TET2: variants seen among roughly 807,000 people sequenced by gnomAD.
The protein encoded by TET2 is methylcytosine dioxygenase TET2.
Under a neutral mutation model 142.9 loss-of-function variants are expected in TET2, and 299 were observed. The ratio of observed to expected loss-of-function variants is 2.09; its 90% CI spans 1.90 to 2.30. TET2 has a LOEUF of 2.30. TET2 is among the 30% of genes most tolerant of loss of function. TET2 has a pLI of 0.00. For synonymous variants in TET2, 819 were observed against 849.0 expected (o/e 0.96, Z 0.61); for missense variants, 2,418 against 2,378.0 (o/e 1.02, Z -0.35).
rs184605737 is a variant in TET2 at position 105,166,786 on chromosome 4, T to C, written c.-193+19807T>C. On this transcript the variant is annotated intron_variant, in intron 1 of 10. Coordinates refer to ENST00000380013, the MANE Select transcript of TET2 (RefSeq NM_001127208.3). Reference sequence around the variant, plus strand: ...AACATTGGTACGTTGTTACCCTTCATCTAGGATTGCTTATGAGATAGATAT... The same window carrying C: ...AACATTGGTACGTTGTTACCCTTCACCTAGGATTGCTTATGAGATAGATAT... Among the ~76,000 whole-genome samples, 185 of 152,230 alleles carry C rather than the reference T, an allele frequency of 1.2e-3. 1 individual carries two copies. Among genetic ancestry groups the C allele is most frequent in the Non-Finnish European group, 2.1e-3 (146 of 67,938 alleles).
intron 1 of TET2, 145 bp from the exon 2 acceptor site, chr4:105,190,211 GAGAA>G (rs1181166240): frequency 2.2e-6 from 1 of 452,524 alleles, no homozygotes; most frequent in Non-Finnish European, 3.9e-6. Flanking sequence ...TCATTGCTTT[GAGAA>G]AGATTCTCTA....
At chr4:105,272,433 A>G in intron 9 of TET2, 131 bp from the exon 10 acceptor site, 1 of 622,178 alleles carries the variant, frequency 1.6e-6, no homozygotes, top group East Asian at 2.8e-5. Flanking sequence ...ATGGTAATAT[A>G]TATGTCACTG....
intron 2 of TET2, among the ~76,000 whole-genome samples, chr4:105,222,661 G>T (rs1461102834): frequency 2.6e-5 from 4 of 152,068 alleles, no homozygotes; most frequent in Non-Finnish European, 5.9e-5. Flanking sequence ...GCCATTTTGT[G>T]GGTTGCCTGT....
chr4:105,196,400 C>CCTA (rs1726096866), intron 2 of TET2, among the ~76,000 whole-genome samples: 1 of 152,040 alleles, frequency 6.6e-6, no homozygotes, highest in African/African-American at 2.4e-5. Context: ...CTTGGGGACA[C>CCTA]CTACTTATCC....
At chr4:105,237,788 C>A (rs1057487130) in intron 3 of TET2, 163 of 1,128,826 alleles carry the variant, frequency 1.4e-4, no homozygotes, top group Admixed American at 2.3e-4. Context: ...ATATTAGTTT[C>A]ACAAGATTTC....
chr4:105,180,188 A>G (rs1725033826), intron 1 of TET2, among the ~76,000 whole-genome samples: 1 of 152,194 alleles, frequency 6.6e-6, no homozygotes, highest in South Asian at 2.1e-4. Context: ...TTGATTTCTC[A>G]TGGCCTATGA....
At chr4:105,161,278 T>C (rs893321583) in intron 1 of TET2, among the ~76,000 whole-genome samples, 1 of 152,130 alleles carries the variant, frequency 6.6e-6, no homozygotes, top group Non-Finnish European at 1.5e-5. Context: ...AAAGCAGCCT[T>C]CTGGATATGA....
At chr4:105,256,424 C>T (rs976760144) in intron 6 of TET2, among the ~76,000 whole-genome samples, 4 of 152,102 alleles carry the variant, frequency 2.6e-5, no homozygotes, top group African/African-American at 9.7e-5. Flanking sequence ...GGTTCTATGT[C>T]ATTCTACTGC....
chr4:105,168,134 G>A (rs892470132), intron 1 of TET2, among the ~76,000 whole-genome samples: 4 of 152,078 alleles, frequency 2.6e-5, no homozygotes, highest in Non-Finnish European at 5.9e-5. Flanking sequence ...TTACCTCACC[G>A]TGGGTTTTTA....
At chr4:105,264,265 G>A (rs1199937790) in intron 8 of TET2, among the ~76,000 whole-genome samples, 1 of 152,098 alleles carries the variant, frequency 6.6e-6, no homozygotes, top group Admixed American at 6.6e-5. Context: ...TGTTTAGCTA[G>A]TATCACAAAG....
At chr4:105,149,919 C>G (rs1723218928) in intron 1 of TET2, among the ~76,000 whole-genome samples, 1 of 152,170 alleles carries the variant, frequency 6.6e-6, no homozygotes, top group South Asian at 2.1e-4. Context: ...GAAAGAATTC[C>G]AAAGTCCTTA....
Position 105,235,167 on chromosome 4 carries a change from C to G in TET2, c.1225C>G (p.Pro409Ala), listed in dbSNP as rs930891452. The G allele has an allele frequency of 1.9e-6, 3 of 1,613,858 alleles. No individual in the cohort carries two copies. The Admixed American group carries it at 5.0e-5, about 27-fold the overall frequency. Residue 409 changes from proline to alanine, a missense_variant, in exon 3 of 11, where the codon CCT becomes GCT. Pro to Ala is a conservative substitution (Grantham distance 27). Coordinates refer to ENST00000380013, the MANE Select transcript of TET2 (RefSeq NM_001127208.3). ...ACCATCACAATTGCTTCTTTCTCCC[C>G]CTCCTCCTCTTCCACAGGTTCCTCA... ...PPPSQLLLSPPPPLPQVPQLP... is the reference protein window; with the variant it reads ...PPPSQLLLSPAPPLPQVPQLP...
chr4:105,228,383 TATA>T lies in TET2; in HGVS notation c.-46-5511_-46-5509del, dbSNP rs1272943741. 5.1e-4 allele frequency among the ~76,000 whole-genome samples: 78 copies of T among 152,266 alleles called. 2 individuals carry two copies. Among genetic ancestry groups the T allele is most frequent in the Non-Finnish European group, 1.5e-5 (1 of 67,958 alleles). On this transcript the variant is annotated intron_variant, in intron 2 of 10. Coordinates refer to ENST00000380013, the MANE Select transcript of TET2 (RefSeq NM_001127208.3). The stretch of plus-strand genomic sequence containing the variant: ...TGCTGTCACAGACAAAATAGTTCTG[TATA>T]ATGTTTAAAAATGGCCATTGTGTTT...
At chr4:105,185,886 T>C (rs1466616305) in intron 1 of TET2, among the ~76,000 whole-genome samples, 1 of 152,188 alleles carries the variant, frequency 6.6e-6, no homozygotes, top group Admixed American at 6.5e-5. Context: ...GATATTATGC[T>C]CAAAATGATT....
intron 8 of TET2, among the ~76,000 whole-genome samples, chr4:105,265,528 A>G (rs771530610): frequency 2.0e-5 from 3 of 152,226 alleles, no homozygotes; most frequent in African/African-American, 7.2e-5. Flanking sequence ...AGACCACAGC[A>G]TGAACTGAAC....
intron 9 of TET2, among the ~76,000 whole-genome samples, chr4:105,271,001 G>A (rs550623710): frequency 3.9e-5 from 6 of 152,276 alleles, no homozygotes; most frequent in African/African-American, 1.4e-4. Context: ...TTAATTTAAT[G>A]TTCTAGATCA....
chr4:105,217,657 T>TA, intron 2 of TET2, among the ~76,000 whole-genome samples: 1 of 152,150 alleles, frequency 6.6e-6, no homozygotes, highest in East Asian at 1.9e-4. Context: ...AGTTTTAAAT[T>TA]AGAAAAAAAA....
chr4:105,195,808 G>A (rs531781806), intron 2 of TET2, among the ~76,000 whole-genome samples: 2 of 152,256 alleles, frequency 1.3e-5, no homozygotes, highest in African/African-American at 2.4e-5. Flanking sequence ...TGTTGTCTAT[G>A]TGCGTAGCAA....
intron 9 of TET2, 24 bp from the exon 10 acceptor site, chr4:105,272,540 T>C (rs1208703658): frequency 6.9e-7 from 1 of 1,439,692 alleles, no homozygotes; most frequent in Non-Finnish European, 9.3e-7. Flanking sequence ...TAGTTGAGGC[T>C]GTAATGTCTT....
Sources: allele counts gnomAD v4.1 joint callset (sites outside exome capture counted in the v4.1 genomes callset), GRCh38; gene constraint gnomAD v4.1.1; transcripts MANE v1.5; gene names NCBI Gene and HGNC (gene_info 2026-07-23, HGNC 2026-07-21).